The following RBMS3 variants were observed in gnomAD, a reference collection of about 807,000 sequenced individuals.
RBMS3 encodes the protein RNA-binding motif, single-stranded-interacting protein 3.
A neutral mutation model predicts 66.8 loss-of-function variants in RBMS3; 27 were observed. That is an observed-to-expected ratio of 0.40 (90% CI 0.30 to 0.56). RBMS3 has a LOEUF of 0.56. Ranked by LOEUF, RBMS3 falls within the 20% of genes least tolerant of loss-of-function variation. The pLI is 0.40. For synonymous variants in RBMS3, 188 were observed against 183.0 expected, an observed-to-expected ratio of 1.03 and a Z score of -0.22; for missense variants, 513 against 549.5, an observed-to-expected ratio of 0.93 and a Z score of 0.66.
chr3:29,597,371 CTATATT>C (rs1388004977), intron 4 of RBMS3, among the ~76,000 whole-genome samples: 1 of 152,090 alleles, frequency 6.6e-6, no homozygotes, highest in African/African-American at 2.4e-5. Flanking sequence ...TGTGTGCATG[CTATATT>C]TATTACACTA....
At chr3:29,617,320 T>A (rs2048706157) in intron 4 of RBMS3, among the ~76,000 whole-genome samples, 1 of 152,180 alleles carries the variant, frequency 6.6e-6, no homozygotes, top group African/African-American at 2.4e-5. Context: ...AATGGTTAAA[T>A]TAAATCATTT....
At chr3:29,297,353 A>G (rs1185454232) in intron 1 of RBMS3, among the ~76,000 whole-genome samples, 1 of 151,846 alleles carries the variant, frequency 6.6e-6, no homozygotes, top group Non-Finnish European at 1.5e-5. Flanking sequence ...ACTCAAAGAG[A>G]TTGTTATTAG....
chr3:29,761,319 C>A (rs1320407354), intron 5 of RBMS3, among the ~76,000 whole-genome samples: 1 of 152,100 alleles, frequency 6.6e-6, no homozygotes, highest in East Asian at 1.9e-4. Flanking sequence ...ATAATTATAG[C>A]TCAAAACTGG....
At chr3:29,895,166 T>C (rs993825619) in intron 8 of RBMS3, among the ~76,000 whole-genome samples, 2 of 151,602 alleles carry the variant, frequency 1.3e-5, no homozygotes, top group Non-Finnish European at 3.0e-5. Context: ...CAAAGGGGTA[T>C]TTTAGAGTGT....
At chr3:29,433,962 A>G (rs1355943509) in intron 1 of RBMS3, among the ~76,000 whole-genome samples, 3 of 152,176 alleles carry the variant, frequency 2.0e-5, no homozygotes, top group African/African-American at 7.2e-5. Flanking sequence ...GGGAATGGGC[A>G]TTACTAGAAT....
intron 6 of RBMS3, among the ~76,000 whole-genome samples, chr3:29,763,197 T>C (rs2055772469): frequency 6.6e-6 from 1 of 152,100 alleles, no homozygotes; most frequent in Non-Finnish European, 1.5e-5. Context: ...TCTCTGCTGC[T>C]AACTTTCTAA....
intron 1 of RBMS3, among the ~76,000 whole-genome samples, chr3:29,389,327 A>G (rs1476181679): frequency 6.6e-6 from 1 of 152,180 alleles, no homozygotes. Flanking sequence ...TATAAACTTA[A>G]TGAGGAAAAA....
chr3:29,382,381 T>C (rs72852313), intron 1 of RBMS3, among the ~76,000 whole-genome samples: 3,074 of 152,286 alleles, frequency 0.02, 97 homozygotes, highest in African/African-American at 0.069. Context: ...ATAATGTATA[T>C]GTAAAAGCAT....
intron 4 of RBMS3, among the ~76,000 whole-genome samples, chr3:29,683,386 T>C (rs534266762): frequency 4.7e-4 from 72 of 152,164 alleles, no homozygotes; most frequent in Non-Finnish European, 8.4e-4. Context: ...ACATAGCAGG[T>C]CTCATAAAGA....
At chr3:29,306,352 C>A (rs150581373) in intron 1 of RBMS3, among the ~76,000 whole-genome samples, 1,667 of 152,038 alleles carry the variant, frequency 0.011, 24 homozygotes, top group Non-Finnish European at 0.016. Context: ...TTCAAAGAGA[C>A]TATTGGCTTC....
chr3:29,468,677 A>T (rs1202426950), intron 2 of RBMS3, among the ~76,000 whole-genome samples: 1 of 152,040 alleles, frequency 6.6e-6, no homozygotes, highest in Non-Finnish European at 1.5e-5. Flanking sequence ...ATACTCTCCT[A>T]ACTAGTTTAT....
intron 1 of RBMS3, among the ~76,000 whole-genome samples, chr3:29,328,309 A>G (rs1575553444): frequency 6.6e-6 from 1 of 152,176 alleles, no homozygotes; most frequent in East Asian, 1.9e-4. Context: ...TGTGAGAACA[A>G]TTATCTGTTT....
intron 1 of RBMS3, among the ~76,000 whole-genome samples, chr3:29,373,749 A>G (rs1461296801): frequency 6.6e-6 from 1 of 152,168 alleles, no homozygotes; most frequent in Non-Finnish European, 1.5e-5. Context: ...CTGGTTTCTG[A>G]GTGCCTGTTT....
chr3:29,434,117 T>C (rs914674181), intron 1 of RBMS3, among the ~76,000 whole-genome samples: 7 of 152,170 alleles, frequency 4.6e-5, no homozygotes, highest in Non-Finnish European at 1.0e-4. Flanking sequence ...ATCTTGAAGG[T>C]AAGGAAAGAA....
At chr3:29,576,837 G>A (rs189913585) in intron 3 of RBMS3, among the ~76,000 whole-genome samples, 18 of 152,290 alleles carry the variant, frequency 1.2e-4, no homozygotes, top group Middle Eastern at 3.4e-3. Flanking sequence ...CAGTCAGCTT[G>A]TGGTAAATGC....
intron 4 of RBMS3, among the ~76,000 whole-genome samples, chr3:29,682,450 G>A (rs2051540265): frequency 6.6e-6 from 1 of 152,218 alleles, no homozygotes; most frequent in Non-Finnish European, 1.5e-5. Context: ...ACCATGCCCG[G>A]CTAGATGCTA....
At chr3:29,388,567 C>T (rs2039120109) in intron 1 of RBMS3, among the ~76,000 whole-genome samples, 1 of 152,180 alleles carries the variant, frequency 6.6e-6, no homozygotes, top group African/African-American at 2.4e-5. Flanking sequence ...CCAATCTGTG[C>T]ACTGGCAAAA....
chr3:29,993,408 T>G (rs1201545792), intron 14 of RBMS3, among the ~76,000 whole-genome samples: 4 of 152,190 alleles, frequency 2.6e-5, no homozygotes, highest in Non-Finnish European at 5.9e-5. Context: ...TGAGAAATAC[T>G]GTGGGTAATG....
chr3:29,526,962 G>A (rs2045139623), intron 3 of RBMS3, among the ~76,000 whole-genome samples: 2 of 151,610 alleles, frequency 1.3e-5, no homozygotes, highest in South Asian at 2.1e-4. Context: ...ACTTTTCAAC[G>A]TGACCATTCC....
Sources: gnomAD v4.1 joint callset for allele counts (sites outside exome capture counted in the v4.1 genomes callset) on GRCh38, gnomAD v4.1.1 for gene constraint, MANE v1.5 for transcripts, NCBI Gene and HGNC (gene_info 2026-07-23, HGNC 2026-07-21) for gene names.